GUCY1B1: variants seen among roughly 807,000 people sequenced by gnomAD.
GUCY1B1 encodes the protein guanylate cyclase 1 soluble subunit beta 1.
In GUCY1B1, 43 loss-of-function variants were observed where a neutral mutation model predicts 71.0. That is an observed-to-expected ratio of 0.61 (90% CI 0.47 to 0.78). The LOEUF is 0.78. Ranked by LOEUF, GUCY1B1 falls within the 30% of genes least tolerant of loss-of-function variation. The probability of loss-of-function intolerance (pLI) is 0.00; values close to 1 mark genes in which losing one functional copy is unlikely to be tolerated. For missense variants in GUCY1B1, 535 were observed against 754.1 expected (o/e 0.71, Z 3.40); for synonymous variants, 266 against 259.7 (o/e 1.02, Z -0.23).
chr4:155,787,092 G>GA (rs1426690834), intron 4 of GUCY1B1, among the ~76,000 whole-genome samples: 1 of 151,898 alleles, frequency 6.6e-6, no homozygotes, highest in African/African-American at 2.4e-5. Flanking sequence ...AACATAAGTA[G>GA]AAGTATAAGG....
rs1387551627 is a variant in GUCY1B1, at chr4:155,759,046, GC to G, written c.-92del. On this transcript the variant is annotated 5_prime_UTR_variant, in exon 1 of 14. It introduces an in-frame stop codon into an upstream open reading frame of the 5' UTR. Transcript: ENST00000264424. ...GCTCCAGCTCGATGCTGCCTCCCCG[GC>G]CCGGTTGCGCTGTAGCCGCTGCCGC... 1.1e-5 allele frequency: 15 copies of G among 1,330,366 alleles called. No homozygotes were observed. In the East Asian group the frequency reaches 3.5e-4, roughly 31 times the overall value. 82.4% of individuals were successfully genotyped at this position (1,330,366 alleles called of 1,614,324 possible).
intron 2 of GUCY1B1, among the ~76,000 whole-genome samples, chr4:155,773,598 G>A (rs1579203231): frequency 6.6e-6 from 1 of 152,014 alleles, no homozygotes; most frequent in South Asian, 2.1e-4. Flanking sequence ...CCCCTTGTCC[G>A]CCTCCAACAA....
chr4:155,765,445 G>C (rs1044959328), intron 2 of GUCY1B1, among the ~76,000 whole-genome samples: 1 of 152,028 alleles, frequency 6.6e-6, no homozygotes, highest in African/African-American at 2.4e-5. Context: ...AGGAAATGGT[G>C]GGAGAAAAAA....
rs1468000999 is a variant in GUCY1B1 at position 155,802,466 on chromosome 4, T to C, written c.1300T>C (p.Cys434Arg). 1 of 1,613,878 alleles carries C rather than the reference T, an allele frequency of 6.2e-7. No individual in the cohort carries two copies. Among genetic ancestry groups the C allele is most frequent in the Non-Finnish European group, 8.5e-7 (1 of 1,179,800 alleles). Residue 434 changes from cysteine (C) to arginine (R), a missense_variant, in exon 10 of 14, where the codon TGT (cysteine) becomes CGT (arginine). By Grantham distance (180) the Cys-to-Arg change is radical. Transcript: ENST00000264424. The surrounding 1 kb of genome is among the most constrained non-coding windows in gnomAD (Gnocchi z 4.3). Reference sequence around the variant, plus strand: ...TGGCATTGTGGGCTTCAATGCTTTCTGTAGCAAGCATGCATCTGGAGAAGG... The same window carrying C: ...TGGCATTGTGGGCTTCAATGCTTTCCGTAGCAAGCATGCATCTGGAGAAGG... ...FSGIVGFNAF[C>R]SKHASGEGAM... is the part of the protein sequence containing the mutation.
intron 2 of GUCY1B1, among the ~76,000 whole-genome samples, 189 bp downstream of exon 2, chr4:155,760,049 G>A (rs1736873372): frequency 6.6e-6 from 1 of 152,132 alleles, no homozygotes; most frequent in South Asian, 2.1e-4. Context: ...GAGGGGAGGG[G>A]CGGCTGGGGC....
chr4:155,784,064 TA>T, intron 4 of GUCY1B1, among the ~76,000 whole-genome samples: 1 of 152,162 alleles, frequency 6.6e-6, no homozygotes, highest in Non-Finnish European at 1.5e-5. Context: ...AACATGAGTT[TA>T]AAAGCAATAG....
At chr4:155,769,982 A>G (rs1479041843) in intron 2 of GUCY1B1, among the ~76,000 whole-genome samples, 1 of 152,192 alleles carries the variant, frequency 6.6e-6, no homozygotes, top group Non-Finnish European at 1.5e-5. Context: ...TGGTGAATGT[A>G]CTTGGCTGAA....
chr4:155,786,457 CTTTCTTTTTTTTT>C (rs1303695308), intron 4 of GUCY1B1, among the ~76,000 whole-genome samples: 1 of 70,496 alleles, frequency 1.4e-5, no homozygotes, highest in Non-Finnish European at 2.8e-5. Flanking sequence ...TATTTTCTTT[CTTTCTTTTTTTTT>C]TTTTTTTTTT....
At chr4:155,759,893 G>C (rs773389149) in intron 2 of GUCY1B1, 33 bp downstream of exon 2, 1 of 1,551,652 alleles carries the variant, frequency 6.4e-7, no homozygotes, top group African/African-American at 1.4e-5. Flanking sequence ...TGTGGCCCAG[G>C]TCGGCGCCCA....
chr4:155,785,248 AT>A, intron 4 of GUCY1B1: 1 of 1,262,228 alleles, frequency 7.9e-7, no homozygotes, highest in Non-Finnish European at 1.1e-6. Context: ...CTGTTTTTTG[AT>A]TTTATGAAGC....
chr4:155,775,119 ACAGAATGCATGGTTCAAGAT>A lies in GUCY1B1; in HGVS notation c.178+54_178+73del, dbSNP rs1393245417. 3.3e-6 allele frequency: 3 copies of A among 909,488 alleles called. No individual in the cohort carries two copies. In the African/African-American group the frequency reaches 4.9e-5, roughly 15 times the overall value. 56.3% of individuals were successfully genotyped at this position (909,488 alleles called of 1,614,324 possible). ...TTGGCCAAGTTACACGTAGAAGCTCACAGAATGCATGGTTCAAGATCACAACGCAGGGTTACAGAAGTGGT... is the reference window on the plus strand; with the variant it reads ...TTGGCCAAGTTACACGTAGAAGCTCACACAACGCAGGGTTACAGAAGTGGT... On this transcript the variant is annotated intron_variant, in intron 3 of 13. Coordinates refer to ENST00000264424, the MANE Select transcript of GUCY1B1 (RefSeq NM_000857.5).
intron 7 of GUCY1B1, 72 bp downstream of exon 7, chr4:155,795,529 T>C: frequency 1.4e-6 from 1 of 719,134 alleles, no homozygotes; most frequent in South Asian, 1.7e-5. Flanking sequence ...GGGGGAAAAT[T>C]ATCACATTCT....
At chr4:155,800,802 G>A (rs1306248980) in intron 9 of GUCY1B1, among the ~76,000 whole-genome samples, 1 of 152,014 alleles carries the variant, frequency 6.6e-6, no homozygotes, top group Non-Finnish European at 1.5e-5. Flanking sequence ...TTTTACCCAG[G>A]TTCTTATGTG....
chr4:155,796,655 A>G (rs906336040), intron 8 of GUCY1B1, 145 bp downstream of exon 8: 14 of 599,372 alleles, frequency 2.3e-5, no homozygotes, highest in Non-Finnish European at 4.1e-5. Flanking sequence ...TTACTTTATA[A>G]CAAGGATAAT....
Position 155,799,940 on chromosome 4 carries a change from T to C in GUCY1B1, c.1041T>C (p.Asp347=). The change falls in exon 9 of 14, where the codon GAT becomes GAC. Residue 347 remains aspartate (D), a synonymous_variant. Coordinates refer to ENST00000264424, the MANE Select transcript of GUCY1B1 (RefSeq NM_000857.5). ...ATCTAAGTGACATCCCTCTGCATGA[T>C]GCCACGCGCGATCTTGTTCTTTTGG... ...GLYLSDIPLH[D]ATRDLVLLGE... The C allele has an allele frequency of 6.2e-7, 1 of 1,613,500 alleles. No individual in the cohort carries two copies. The highest frequency in any genetic ancestry group is 8.5e-7 in the Non-Finnish European group (1 of 1,179,512).
chr4:155,796,464 A>G lies in GUCY1B1; in HGVS notation c.931A>G (p.Ile311Val). 1.2e-6 allele frequency: 2 copies of G among 1,612,162 alleles called. No individual in the cohort carries two copies. Among genetic ancestry groups the G allele is most frequent in the Non-Finnish European group, 1.7e-6 (2 of 1,178,276 alleles). Residue 311 changes from isoleucine to valine, a missense_variant, in exon 8 of 14, where the codon ATC becomes GTC. Coordinates refer to ENST00000264424, the MANE Select transcript of GUCY1B1 (RefSeq NM_000857.5). ...ISCLRLKGQM[I>V]YLPEADSILF... Reference sequence around the variant, plus strand: ...CTGCTTACGTCTCAAGGGTCAAATGATCTACTTACCTGAAGCAGATAGCAT... The same window carrying G: ...CTGCTTACGTCTCAAGGGTCAAATGGTCTACTTACCTGAAGCAGATAGCAT...
intron 1 of GUCY1B1, 145 bp from the exon 2 acceptor site, chr4:155,759,642 T>G (rs1367885894): frequency 6.7e-6 from 4 of 593,760 alleles, no homozygotes; most frequent in Admixed American, 3.1e-5. Context: ...ACTCCTTTAG[T>G]GCATAGTACC....
chr4:155,802,090 T>C lies in GUCY1B1; in HGVS notation c.1176-252T>C. The C allele has an allele frequency of 1.4e-6, 1 of 713,334 alleles. No homozygotes were observed. Among genetic ancestry groups the C allele is most frequent in the East Asian group, 2.7e-5 (1 of 36,392 alleles). 44.2% of individuals were successfully genotyped at this position (713,334 alleles called of 1,614,324 possible). A position where few individuals can be genotyped will look rare whatever the true frequency, so the allele number is the denominator to read the frequency against. ...TTGTTTTGTCTGTTTGCTTGGCTTA[T>C]TTTGATTTGGTTTGAACTAGTTTGG... On this transcript the variant is annotated intron_variant, in intron 9 of 13. Transcript: ENST00000264424. This position sits in a 1 kb window ranked among gnomAD's most constrained non-coding sequence, Gnocchi z 4.3.
intron 4 of GUCY1B1, among the ~76,000 whole-genome samples, chr4:155,783,087 G>C (rs1172120620): frequency 6.6e-6 from 1 of 152,138 alleles, no homozygotes; most frequent in Non-Finnish European, 1.5e-5. Flanking sequence ...TTGACATACA[G>C]CTATGGATAA....
Sources: gnomAD v4.1 joint callset for allele counts (sites outside exome capture counted in the v4.1 genomes callset) on GRCh38, gnomAD v4.1.1 for gene constraint, Gnocchi (gnomAD v3.1) non-coding constraint, MANE v1.5 for transcripts, NCBI Gene and HGNC (gene_info 2026-07-23, HGNC 2026-07-21) for gene names.